OR2T11: variants seen among roughly 807,000 people sequenced by gnomAD.
OR2T11 encodes the protein olfactory receptor 2T11.
OR2T11 carries 14 observed loss-of-function variants against 13.5 expected under a neutral mutation model. The observed-to-expected ratio is 1.04, with a 90% CI of 0.69 to 1.62. The LOEUF is 1.62. Ranked by LOEUF, OR2T11 falls within the 40% of genes most tolerant of loss-of-function variation. The pLI, the probability that OR2T11 is intolerant of heterozygous loss-of-function variation, is 0.00. For missense variants in OR2T11, 410 were observed against 389.7 expected (o/e 1.05, Z -0.44); for synonymous variants, 163 against 154.6 (o/e 1.05, Z -0.40).
intron 1 of OR2T11, among the ~76,000 whole-genome samples, chr1:248,630,372 C>T (rs1660591731): frequency 1.0e-5 from 1 of 97,064 alleles, no homozygotes; most frequent in African/African-American, 4.3e-5. Flanking sequence ...AAATTTGAGA[C>T]AATTACGCTC....
rs1178040638 is a variant in OR2T11 at position 248,626,210 on chromosome 1, A to G, written c.919T>C (p.Ser307Pro). ...AFKKVFACCS[S>P]AQKVATSDA ...TCACTTGTTGCTACTTTCTGAGCAG[A>G]TGAGCAACATGCAAATACCTTTTTA... Residue 307 changes from serine (S) to proline (P), a missense_variant, in exon 2 of 2, where the codon TCT (serine) becomes CCT (proline). Coordinates refer to ENST00000641193, the MANE Select transcript of OR2T11 (RefSeq NM_001001964.2). 6 of 1,552,936 alleles carry G rather than the reference A, an allele frequency of 3.9e-6. No individual in the cohort carries two copies. Among genetic ancestry groups the G allele is most frequent in the Admixed American group, 3.4e-5 (2 of 58,366 alleles).
At chr1:248,629,521 C>T (rs1412665802) in intron 1 of OR2T11, among the ~76,000 whole-genome samples, 1 of 141,386 alleles carries the variant, frequency 7.1e-6, no homozygotes, top group Non-Finnish European at 1.5e-5. Flanking sequence ...GTTCCACGAA[C>T]TTTCCCACGA....
chr1:248,626,520 C>T lies in OR2T11; in HGVS notation c.609G>A (p.Met203Ile). 6.4e-7 allele frequency: 1 copy of T among 1,568,842 alleles called. No homozygotes were observed. ...AGATGATAGAGATGGGGATGAGCAA[C>T]ATGAGGACACAGCAGATGTACATCA... The part of the protein sequence containing the change: ...ETLMYICCVL[M>I]LLIPISIIST... The change falls in exon 2 of 2, where the codon ATG (methionine) becomes ATA (isoleucine). Residue 203 changes from methionine (M) to isoleucine (I), a missense_variant. By Grantham distance (10) the Met-to-Ile change is conservative (BLOSUM62 1). Coordinates refer to ENST00000641193, the MANE Select transcript of OR2T11 (RefSeq NM_001001964.2).
In OR2T11 at chr1:248,627,292, C is replaced by A; in HGVS notation, c.-144-20G>T. On this transcript the variant is annotated intron_variant, in intron 1 of 1. Coordinates refer to ENST00000641193, the MANE Select transcript of OR2T11 (RefSeq NM_001001964.2). ...TAGAGGCTAGAGAAGAACAGGCAGA[C>A]CAACATGCACATCATGAAGCAAAAA... 1.8e-6 allele frequency: 1 copy of A among 561,628 alleles called. No individual in the cohort carries two copies. Among genetic ancestry groups the A allele is most frequent in the Non-Finnish European group, 3.1e-6 (1 of 320,392 alleles). 34.8% of individuals were successfully genotyped at this position (561,628 alleles called of 1,614,324 possible).
In OR2T11 at chr1:248,631,337, G is replaced by A. The variant is rs541165083; in HGVS notation, c.-145+3701C>T. The stretch of plus-strand genomic sequence containing the variant: ...TCAGGCACCGTGGACGTGTGCCAAC[G>A]TTTCCACGTGCTCTTCACAGCACCT... On this transcript the variant is annotated intron_variant, in intron 1 of 1. Transcript: ENST00000641193. 1.7e-4 allele frequency among the ~76,000 whole-genome samples: 25 copies of A among 143,786 alleles called. 4 individuals carry two copies. The South Asian group carries it at 4.8e-3, about 28-fold the overall frequency. The allele number at this position is 143,786 out of a possible 152,430, so 94.3% of individuals were successfully genotyped here. A position where few individuals can be genotyped will look rare whatever the true frequency, so the allele number is the denominator to read the frequency against.
At chr1:248,627,923 ATT>A (rs2103101879) in intron 1 of OR2T11, among the ~76,000 whole-genome samples, 1 of 142,792 alleles carries the variant, frequency 7.0e-6, no homozygotes, top group Admixed American at 6.8e-5. Context: ...CTTCAGATAA[ATT>A]AGAAGGTAAA....
rs2103100720 is a variant in OR2T11, at chr1:248,625,984, G to A, written c.*194C>T. On this transcript the variant is annotated 3_prime_UTR_variant, in exon 2 of 2. Transcript: ENST00000641193. ...TTTAACTTCATAATAAACCATTTTT[G>A]ATACTTCACTGAAAGATCTCTGCAT... 2.3e-6 allele frequency: 1 copy of A among 434,484 alleles called. No individual in the cohort carries two copies. The highest frequency in any genetic ancestry group is 3.6e-5 in the East Asian group (1 of 27,750). The allele number at this position is 434,484 out of a possible 1,614,324, so 26.9% of individuals were successfully genotyped here. A position where few individuals can be genotyped will look rare whatever the true frequency, so the allele number is the denominator to read the frequency against.
At position 248,626,424 on chromosome 1, in the gene OR2T11, G is replaced by A. The variant is rs1255721610; in HGVS notation, c.705C>T (p.Phe235=). The A allele has an allele frequency of 2.5e-6, 4 of 1,571,874 alleles. No homozygotes were observed. In the African/African-American group the frequency reaches 4.5e-5, roughly 18 times the overall value. ...MPSAEGRKKA[F]TTCSSHLTVV... is the part of the protein sequence containing the mutation. ...CAGTCAAGTGGGAGGAACAAGTGGTGAAGGCCTTTTTGCGACCTTCAGCAG... is the reference window on the plus strand; with the variant it reads ...CAGTCAAGTGGGAGGAACAAGTGGTAAAGGCCTTTTTGCGACCTTCAGCAG... Residue 235 remains phenylalanine (F), a synonymous_variant, in exon 2 of 2, where the codon TTC becomes TTT. Coordinates refer to ENST00000641193, the MANE Select transcript of OR2T11 (RefSeq NM_001001964.2).
In OR2T11 at chr1:248,626,288, T is replaced by C. The variant is rs1205763519; in HGVS notation, c.841A>G (p.Met281Val). 3.8e-6 allele frequency: 6 copies of C among 1,568,736 alleles called. 1 individual carries two copies. The highest frequency in any genetic ancestry group is 5.2e-6 in the Non-Finnish European group (6 of 1,152,316). ...AGGCTGTAGATGAGAGGATTAAGCA[T>C]GGGCGTGACAATGGTATAGAAGGCT... ...VSAFYTIVTP[M>V]LNPLIYSLRN... The change falls in exon 2 of 2, where the codon ATG becomes GTG. Residue 281 changes from methionine (M) to valine (V), a missense_variant. Coordinates refer to ENST00000641193, the MANE Select transcript of OR2T11 (RefSeq NM_001001964.2).
At position 248,632,853 on chromosome 1, in the gene OR2T11, C is replaced by T. The variant is rs1572104082; in HGVS notation, c.-145+2185G>A. The stretch of plus-strand genomic sequence containing the variant: ...TATTCTTACCTAGAGCATGATCCCA[C>T]GAAGCTTCCTTAATAGGATAGCAAT... On this transcript the variant is annotated intron_variant, in intron 1 of 1. Coordinates refer to ENST00000641193, the MANE Select transcript of OR2T11 (RefSeq NM_001001964.2). Among the ~76,000 whole-genome samples the T allele has an allele frequency of 1.7e-4, 2 of 12,106 alleles. 1 individual carries two copies. Among genetic ancestry groups the T allele is most frequent in the Non-Finnish European group, 2.0e-3 (2 of 1,018 alleles). The allele number at this position is 12,106 out of a possible 152,430, so 7.9% of individuals were successfully genotyped here. A position where few individuals can be genotyped will look rare whatever the true frequency, so the allele number is the denominator to read the frequency against.
At chr1:248,632,748 A>C (rs1468359930) in intron 1 of OR2T11, among the ~76,000 whole-genome samples, 1 of 25,268 alleles carries the variant, frequency 4.0e-5, no homozygotes, top group East Asian at 7.8e-4. Flanking sequence ...TTACTCTTGC[A>C]AGGCGATGAA....
intron 1 of OR2T11, among the ~76,000 whole-genome samples, chr1:248,632,120 CAG>C (rs1353840748): frequency 3.5e-5 from 5 of 143,446 alleles, no homozygotes; most frequent in Non-Finnish European, 6.0e-5. Flanking sequence ...AAAAGAAAAA[CAG>C]AATGACCCTT....
chr1:248,634,845 T>C (rs1449284198), intron 1 of OR2T11, among the ~76,000 whole-genome samples, 193 bp downstream of exon 1: 3 of 144,320 alleles, frequency 2.1e-5, no homozygotes, highest in Admixed American at 2.0e-4. Context: ...TAAATAATTA[T>C]CTAATTATCT....
chr1:248,629,008 T>C lies in OR2T11; in HGVS notation c.-144-1736A>G, dbSNP rs1307287007. 1.4e-5 allele frequency among the ~76,000 whole-genome samples: 2 copies of C among 143,804 alleles called. 1 individual carries two copies. Among genetic ancestry groups the C allele is most frequent in the African/African-American group, 5.5e-5 (2 of 36,584 alleles). 94.3% of individuals were successfully genotyped at this position (143,804 alleles called of 152,430 possible). On this transcript the variant is annotated intron_variant, in intron 1 of 1. Coordinates refer to ENST00000641193, the MANE Select transcript of OR2T11 (RefSeq NM_001001964.2). ...AAAATATAAAAGAAACATTCTATAT[T>C]AGACTCCAAAAACTTCCTAATAGAA...
In OR2T11 at chr1:248,627,241, G is replaced by GT; in HGVS notation, c.-114dup. ...TGCAGTAGAGGTGACACTTCTGAGG[G>GT]TACCGTCAGGATGAAGCTTCCAGGC... On this transcript the variant is annotated 5_prime_UTR_variant, in exon 2 of 2. Coordinates refer to ENST00000641193, the MANE Select transcript of OR2T11 (RefSeq NM_001001964.2). 1 of 635,864 alleles carries GT rather than the reference G, an allele frequency of 1.6e-6. No homozygotes were observed. The highest frequency in any genetic ancestry group is 2.7e-6 in the Non-Finnish European group (1 of 374,022). The allele number at this position is 635,864 out of a possible 1,614,324, so 39.4% of individuals were successfully genotyped here.
chr1:248,629,149 G>C (rs971711956), intron 1 of OR2T11, among the ~76,000 whole-genome samples: 1 of 143,148 alleles, frequency 7.0e-6, no homozygotes, highest in Non-Finnish European at 1.5e-5. Context: ...GTTCATGCCT[G>C]TAACCCCAGC....
chr1:248,627,654 TTTAA>T (rs2103101762), intron 1 of OR2T11, among the ~76,000 whole-genome samples: 1 of 143,796 alleles, frequency 7.0e-6, no homozygotes, highest in East Asian at 2.0e-4. Flanking sequence ...TCTATTTCTT[TTTAA>T]TTATTTGTAT....
chr1:248,627,032 A>G lies in OR2T11; in HGVS notation c.97T>C (p.Leu33=). The G allele has an allele frequency of 6.4e-7, 1 of 1,570,466 alleles. No individual in the cohort carries two copies. Among genetic ancestry groups the G allele is most frequent in the Non-Finnish European group, 8.7e-7 (1 of 1,154,842 alleles). Residue 33 remains leucine (L), a synonymous_variant, in exon 2 of 2, where the codon TTG becomes CTG. Transcript: ENST00000641193. ...ACCAAATTTGCAGTCACGGCCCCCA[A>G]GAAAACAGCAAGGATCACTGTAAAT... The part of the protein sequence containing the change: ...IVFTVILAVF[L]GAVTANLVMI...
Position 248,624,540 on chromosome 1 carries a change from A to G in OR2T11, c.*1638T>C, listed in dbSNP as rs1660486957. 7.0e-6 allele frequency: 1 copy of G among 142,934 alleles called. No individual in the cohort carries two copies. The highest frequency in any genetic ancestry group is 2.2e-4 in the South Asian group (1 of 4,560). 8.9% of individuals were successfully genotyped at this position (142,934 alleles called of 1,614,324 possible). ...TCTTAGATTTCTTCTAACCTCATAA[A>G]ACCCTATCTTTCTAATTTTTCATGT... On this transcript the variant is annotated 3_prime_UTR_variant, in exon 2 of 2. Transcript: ENST00000641193.
Sources: gnomAD v4.1 joint callset for allele counts (sites outside exome capture counted in the v4.1 genomes callset) on GRCh38, gnomAD v4.1.1 for gene constraint, MANE v1.5 for transcripts, NCBI Gene and HGNC (gene_info 2026-07-23, HGNC 2026-07-21) for gene names.